The following LARGE1 variants were observed in gnomAD, a reference collection of about 807,000 sequenced individuals.
LARGE1 encodes the protein xylosyl- and glucuronyltransferase LARGE1.
Under a neutral mutation model 87.6 loss-of-function variants are expected in LARGE1, and 43 were observed. That is an observed-to-expected ratio of 0.49 (90% CI 0.38 to 0.63). The LOEUF is 0.63. LARGE1 is among the 30% of genes least tolerant of loss of function. The pLI, the probability that LARGE1 is intolerant of heterozygous loss-of-function variation, is 0.00. For missense variants in LARGE1, 802 were observed against 1,000.2 expected (o/e 0.80, Z 2.67); for synonymous variants, 434 against 394.6 (o/e 1.10, Z -1.18).
At chr22:33,243,155 A>G (rs1926598200) in intron 11 of LARGE1, among the ~76,000 whole-genome samples, 1 of 152,260 alleles carries the variant, frequency 6.6e-6, no homozygotes, top group South Asian at 2.1e-4. Flanking sequence ...GGGGCAGTAG[A>G]GCTAATTCAA....
chr22:33,099,050 T>C, the LARGE1 span, among the ~76,000 whole-genome samples: 1 of 152,124 alleles, frequency 6.6e-6, no homozygotes, highest in Admixed American at 6.6e-5. Flanking sequence ...CATCATCAAG[T>C]TTCTCCCATG....
chr22:33,324,454 AG>A (rs1484094381), intron 10 of LARGE1, among the ~76,000 whole-genome samples: 1 of 152,040 alleles, frequency 6.6e-6, no homozygotes, highest in Non-Finnish European at 1.5e-5. Flanking sequence ...CCACTGCCAC[AG>A]GGAACAGAGG....
At chr22:33,331,737 G>A (rs1967965) in intron 10 of LARGE1, among the ~76,000 whole-genome samples, 42,834 of 151,840 alleles carry the variant, frequency 0.28, 6,341 homozygotes, top group Non-Finnish European at 0.35. Context: ...TTCTCACACT[G>A]ACTTCATTTG....
chr22:33,920,919 G>A (rs1330543445), upstream of LARGE1, among the ~76,000 whole-genome samples: 1 of 148,056 alleles, frequency 6.8e-6, no homozygotes, highest in Non-Finnish European at 1.5e-5. Flanking sequence ...GCGGGAACCG[G>A]CAGGGGCGGG....
chr22:33,103,918 A>G, the LARGE1 span, among the ~76,000 whole-genome samples: 1 of 152,140 alleles, frequency 6.6e-6, no homozygotes, highest in African/African-American at 2.4e-5. Context: ...CCACTTGGCT[A>G]TCACTTCTCT....
At chr22:33,486,729 A>G (rs1347071544) in intron 6 of LARGE1, among the ~76,000 whole-genome samples, 1 of 152,188 alleles carries the variant, frequency 6.6e-6, no homozygotes, top group African/African-American at 2.4e-5. Flanking sequence ...GGAATTACAC[A>G]ATCCACTGTT....
At chr22:33,900,273 T>C (rs2065248476) in intron 1 of LARGE1, among the ~76,000 whole-genome samples, 2 of 152,102 alleles carry the variant, frequency 1.3e-5, no homozygotes, top group Non-Finnish European at 2.9e-5. Flanking sequence ...AGCTCCCGGG[T>C]GGTGCTCCCC....
intron 2 of LARGE1, among the ~76,000 whole-genome samples, chr22:33,708,432 T>C (rs184763392): frequency 2.6e-5 from 4 of 152,172 alleles, no homozygotes; most frequent in African/African-American, 9.6e-5. Flanking sequence ...AACACAGACA[T>C]TACATGCCTG....
intron 1 of LARGE1, among the ~76,000 whole-genome samples, chr22:33,849,592 C>CTTTTTTTTTTTTTTTTTTT (rs71187287): frequency 3.4e-5 from 3 of 88,590 alleles, no homozygotes; most frequent in African/African-American, 9.5e-5. Flanking sequence ...CTTTTCTTCT[C>CTTTTTTTTTTTTTTTTTTT]TTTTTTTTTT....
chr22:33,372,294 G>A lies in LARGE1; in HGVS notation c.1131+9625C>T, dbSNP rs1260555974. Reference sequence around the variant, plus strand: ...GAATTCAAAATTTTTGGCTTCCTAGGTTTTCACTAGAAATTAAGGTTACTA... The same window carrying A: ...GAATTCAAAATTTTTGGCTTCCTAGATTTTCACTAGAAATTAAGGTTACTA... On this transcript the variant is annotated intron_variant, in intron 9 of 14. Transcript: ENST00000397394. 2.0e-5 allele frequency among the ~76,000 whole-genome samples: 3 copies of A among 151,886 alleles called. No individual in the cohort carries two copies. In the East Asian group the frequency reaches 5.8e-4, roughly 29 times the overall value.
Position 33,761,516 on chromosome 22 carries a change from T to G in LARGE1, c.-40A>C, listed in dbSNP as rs1401560221. ...CAATCCCTAATCCCAGCGCCGTTTC[T>G]CTGTCCGGAGCATGAAGTCCTCGGC... On this transcript the variant is annotated 5_prime_UTR_variant, in exon 2 of 15. Transcript: ENST00000397394. 1 of 1,522,778 alleles carries G rather than the reference T, an allele frequency of 6.6e-7. No homozygotes were observed. 94.3% of individuals were successfully genotyped at this position (1,522,778 alleles called of 1,614,324 possible).
intron 7 of LARGE1, among the ~76,000 whole-genome samples, chr22:33,419,853 C>A (rs2066632120): frequency 6.6e-6 from 1 of 152,076 alleles, no homozygotes; most frequent in Non-Finnish European, 1.5e-5. Context: ...ACCATCACAC[C>A]CAGCTAATTT....
At chr22:33,420,508 G>C (rs1197023348) in intron 7 of LARGE1, among the ~76,000 whole-genome samples, 2 of 152,204 alleles carry the variant, frequency 1.3e-5, no homozygotes, top group Admixed American at 6.5e-5. Flanking sequence ...AGGCAGAGAG[G>C]CTCACATTTA....
intron 11 of LARGE1, among the ~76,000 whole-genome samples, chr22:33,260,584 C>T (rs931305275): frequency 2.5e-4 from 38 of 152,208 alleles, no homozygotes; most frequent in African/African-American, 9.2e-4. Flanking sequence ...GAGATAATGC[C>T]GGCCATGCAT....
intron 2 of LARGE1, among the ~76,000 whole-genome samples, chr22:33,689,691 C>T (rs1177913881): frequency 6.6e-6 from 1 of 151,992 alleles, no homozygotes; most frequent in Non-Finnish European, 1.5e-5. Context: ...CTTTGGGAGG[C>T]CGAGGTGGGT....
chr22:33,428,040 A>G (rs1317045320), intron 7 of LARGE1, among the ~76,000 whole-genome samples: 1 of 152,218 alleles, frequency 6.6e-6, no homozygotes, highest in Non-Finnish European at 1.5e-5. Flanking sequence ...GATACAGGAA[A>G]AACTGCTAGG....
At chr22:33,117,879 C>A in the LARGE1 span, among the ~76,000 whole-genome samples, 2 of 152,130 alleles carry the variant, frequency 1.3e-5, no homozygotes, top group East Asian at 3.9e-4. Context: ...CTGCTAAGTG[C>A]AATCATAACT....
chr22:33,809,299 T>C (rs541785347), intron 1 of LARGE1, among the ~76,000 whole-genome samples: 125 of 151,490 alleles, frequency 8.3e-4, no homozygotes, highest in African/African-American at 2.9e-3. Context: ...TCCTGTGTGA[T>C]GTATTTCCCT....
chr22:33,306,570 A>G (rs937503931), intron 11 of LARGE1, among the ~76,000 whole-genome samples: 1 of 151,998 alleles, frequency 6.6e-6, no homozygotes, highest in South Asian at 2.1e-4. Flanking sequence ...CTCAGCCAAG[A>G]GTTTAGGGTA....
Sources: gnomAD v4.1 joint callset for allele counts (sites outside exome capture counted in the v4.1 genomes callset) on GRCh38, gnomAD v4.1.1 for gene constraint, MANE v1.5 for transcripts, NCBI Gene and HGNC (gene_info 2026-07-23, HGNC 2026-07-21) for gene names.